NOL4: variants seen among roughly 807,000 people sequenced by gnomAD.
NOL4 encodes the protein cancer/testis antigen 125.
A neutral mutation model predicts 75.9 loss-of-function variants in NOL4; 17 were observed. That is an observed-to-expected ratio of 0.22 (90% confidence interval 0.15 to 0.34). NOL4 has a LOEUF of 0.34. Ranked by LOEUF, NOL4 falls within the 10% of genes least tolerant of loss-of-function variation. The pLI is 1.00. For synonymous variants in NOL4, 292 were observed against 289.9 expected (o/e 1.01, Z -0.07); for missense variants, 614 against 793.5 (o/e 0.77, Z 2.72).
chr18:33,865,550 G>C (rs530052710), intron 10 of NOL4, among the ~76,000 whole-genome samples: 1 of 151,630 alleles, frequency 6.6e-6, no homozygotes, highest in Non-Finnish European at 1.5e-5. Flanking sequence ...TTTTATCTGG[G>C]TCACTGCTAT....
At chr18:33,891,520 C>T (rs2065093929) in intron 9 of NOL4, among the ~76,000 whole-genome samples, 1 of 152,136 alleles carries the variant, frequency 6.6e-6, no homozygotes, top group Non-Finnish European at 1.5e-5. Context: ...GAAAAGGTAG[C>T]CTCAAACAGT....
At position 34,129,860 on chromosome 18, in the gene NOL4, T is replaced by G. The variant is rs1600680371; in HGVS notation, c.414+11A>C. 1.3e-6 allele frequency: 2 copies of G among 1,535,592 alleles called. No individual in the cohort carries two copies. Among genetic ancestry groups the G allele is most frequent in the East Asian group, 4.7e-5 (2 of 42,624 alleles). On this transcript the variant is annotated intron_variant, in intron 2 of 10. Coordinates refer to ENST00000261592, the MANE Select transcript of NOL4 (RefSeq NM_003787.5). The stretch of plus-strand genomic sequence containing the variant: ...AAATGCATGCTCTTTTTTTTTTCTT[T>G]TTTAACTTACTGCTTTGTAAGTTCT...
intron 5 of NOL4, among the ~76,000 whole-genome samples, chr18:34,042,463 T>C (rs1385223539): frequency 1.3e-5 from 2 of 152,044 alleles, no homozygotes; most frequent in African/African-American, 4.8e-5. Flanking sequence ...TGTTGACAAG[T>C]TGTCTGTTGA....
chr18:33,872,837 A>T (rs776689242), intron 10 of NOL4, among the ~76,000 whole-genome samples: 4 of 152,082 alleles, frequency 2.6e-5, no homozygotes, highest in Non-Finnish European at 4.4e-5. Context: ...AAACTATCAA[A>T]ATATGGATAC....
chr18:34,124,905 C>CAAA (rs11332460), intron 2 of NOL4, among the ~76,000 whole-genome samples: 282 of 147,784 alleles, frequency 1.9e-3, no homozygotes, highest in Middle Eastern at 3.5e-3. Flanking sequence ...AAAACTGTCT[C>CAAA]AAAAAAAAAA....
chr18:33,959,591 A>G (rs756393114), intron 6 of NOL4, among the ~76,000 whole-genome samples: 12 of 152,136 alleles, frequency 7.9e-5, no homozygotes, highest in Non-Finnish European at 1.6e-4. Flanking sequence ...ATCAAATTTA[A>G]AAATGAGTAT....
chr18:33,879,399 T>C (rs2064122401), intron 10 of NOL4, among the ~76,000 whole-genome samples: 1 of 152,074 alleles, frequency 6.6e-6, no homozygotes, highest in African/African-American at 2.4e-5. Flanking sequence ...TGGCTGGGCA[T>C]GGTGGCTTAC....
At chr18:33,876,295 A>G (rs2063930746) in intron 10 of NOL4, among the ~76,000 whole-genome samples, 2 of 152,038 alleles carry the variant, frequency 1.3e-5, no homozygotes, top group Admixed American at 6.6e-5. Context: ...TTGCACTCCT[A>G]ATTCTATTGC....
chr18:33,874,092 C>A (rs1051637303), intron 10 of NOL4, among the ~76,000 whole-genome samples: 1 of 151,730 alleles, frequency 6.6e-6, no homozygotes, highest in African/African-American at 2.4e-5. Context: ...AAATCTGAAA[C>A]TTAGGGGAAA....
chr18:33,920,147 TAGTATGTATGAGGGACATAGAGAGAGGGA>T (rs2066946036), intron 9 of NOL4, among the ~76,000 whole-genome samples: 1 of 151,992 alleles, frequency 6.6e-6, no homozygotes, highest in African/African-American at 2.4e-5. Context: ...AGTTTTTATA[TAGTATGTATGAGGGACATAGAGAGAGGGA>T]AGGAGAGAGG....
Position 33,883,371 on chromosome 18 carries a change from A to T in NOL4, c.1596T>A (p.Thr532=), listed in dbSNP as rs768592487. 339 of 1,613,138 alleles carry T rather than the reference A, an allele frequency of 2.1e-4. 1 individual carries two copies. In the Middle Eastern group the frequency reaches 2.5e-3, roughly 12 times the overall value. ...AGCCTGGAACAGCTGATGTTGAGTA[A>T]GTGGCCTGGGTCGCCTCTGGTTTAC... ...KQCKPEATQA[T]YSTSAVPGSQ... is the part of the protein sequence containing the mutation. Residue 532 remains threonine (T), a synonymous_variant, in exon 10 of 11, where the codon ACT becomes ACA. Coordinates refer to ENST00000261592, the MANE Select transcript of NOL4 (RefSeq NM_003787.5).
At chr18:34,186,278 CAACAAACA>C (rs894165783) in intron 1 of NOL4, among the ~76,000 whole-genome samples, 1 of 152,016 alleles carries the variant, frequency 6.6e-6, no homozygotes, top group Admixed American at 6.6e-5. Context: ...TAAGAAAGCA[CAACAAACA>C]AACAAACAAC....
At chr18:33,977,060 TTAA>T (rs1385329927) in intron 6 of NOL4, among the ~76,000 whole-genome samples, 3 of 152,146 alleles carry the variant, frequency 2.0e-5, no homozygotes, top group South Asian at 4.1e-4. Flanking sequence ...ATCATCCTCA[TTAA>T]TAATAATAAT....
chr18:34,131,658 G>A (rs1238010923), intron 1 of NOL4, among the ~76,000 whole-genome samples: 1 of 152,008 alleles, frequency 6.6e-6, no homozygotes, highest in East Asian at 1.9e-4. Context: ...TATTGTTTAT[G>A]GGAATAAATA....
intron 4 of NOL4, among the ~76,000 whole-genome samples, chr18:34,102,297 A>G (rs1002570137): frequency 6.6e-6 from 1 of 152,090 alleles, no homozygotes; most frequent in Non-Finnish European, 1.5e-5. Flanking sequence ...GACCAGATAC[A>G]TGTAAGTACT....
At chr18:34,218,653 T>C (rs1190327404) in intron 1 of NOL4, among the ~76,000 whole-genome samples, 1 of 152,182 alleles carries the variant, frequency 6.6e-6, no homozygotes, top group Non-Finnish European at 1.5e-5. Flanking sequence ...TCTCGGGATC[T>C]ATTTGACCCC....
intron 2 of NOL4, among the ~76,000 whole-genome samples, chr18:34,127,462 T>C (rs1333926942): frequency 6.6e-6 from 1 of 151,958 alleles, no homozygotes; most frequent in Non-Finnish European, 1.5e-5. Flanking sequence ...TATAAGCTAA[T>C]GTTTAAGAAT....
At chr18:34,101,654 CA>C (rs2079046436) in intron 4 of NOL4, among the ~76,000 whole-genome samples, 1 of 151,998 alleles carries the variant, frequency 6.6e-6, no homozygotes, top group African/African-American at 2.4e-5. Context: ...GCGCAAACTC[CA>C]AAAGTTATTC....
At chr18:33,971,969 C>T (rs1055626221) in intron 6 of NOL4, among the ~76,000 whole-genome samples, 6 of 151,850 alleles carry the variant, frequency 4.0e-5, no homozygotes, top group Admixed American at 2.6e-4. Flanking sequence ...AGTTCAAAAC[C>T]AGCCTGGCCA....
Sources: gnomAD v4.1 joint callset for allele counts (sites outside exome capture counted in the v4.1 genomes callset) on GRCh38, gnomAD v4.1.1 for gene constraint, MANE v1.5 for transcripts, NCBI Gene and HGNC (gene_info 2026-07-23, HGNC 2026-07-21) for gene names.